The following LRRFIP2 variants were observed in gnomAD, a reference collection of about 807,000 sequenced individuals.
The protein encoded by LRRFIP2 is leucine-rich repeat flightless-interacting protein 2.
LRRFIP2 carries 109 observed loss-of-function variants against 125.9 expected under a neutral mutation model. The ratio of observed to expected loss-of-function variants is 0.87; its 90% CI spans 0.74 to 1.01. The LOEUF is 1.01. Among genes scored for constraint, LRRFIP2 ranks in the 50% least tolerant of loss-of-function variants. The probability of loss-of-function intolerance (pLI) is 0.00; values close to 1 mark genes in which losing one functional copy is unlikely to be tolerated. For missense variants in LRRFIP2, 850 were observed against 862.3 expected, an observed-to-expected ratio of 0.99 and a Z score of 0.18; for synonymous variants, 291 against 293.1, an observed-to-expected ratio of 0.99 and a Z score of 0.07.
intron 18 of LRRFIP2, among the ~76,000 whole-genome samples, chr3:37,090,155 T>C (rs1473996603): frequency 1.3e-5 from 2 of 152,236 alleles, no homozygotes; most frequent in East Asian, 1.9e-4. Flanking sequence ...GGATATATCC[T>C]GAGTCACCCT....
intron 6 of LRRFIP2, among the ~76,000 whole-genome samples, chr3:37,118,158 C>G (rs1000305881): frequency 6.6e-6 from 1 of 152,086 alleles, no homozygotes; most frequent in Non-Finnish European, 1.5e-5. Context: ...ACTTCCCGGA[C>G]AGCTCCCACC....
chr3:37,118,523 A>C (rs1302386477), intron 6 of LRRFIP2, among the ~76,000 whole-genome samples: 1 of 152,168 alleles, frequency 6.6e-6, no homozygotes, highest in Non-Finnish European at 1.5e-5. Context: ...TAAATTCCTA[A>C]CTTTGATTTA....
Position 37,171,634 on chromosome 3 carries a change from C to T in LRRFIP2, c.-56+2905G>A, listed in dbSNP as rs555870196. Among the ~76,000 whole-genome samples the T allele has an allele frequency of 3.3e-5, 5 of 152,216 alleles. No homozygotes were observed. The South Asian group carries it at 8.3e-4, about 25-fold the overall frequency. ...TGAGAAAGTAATCCATCAAATAGCA[C>T]TCTAGTTTGCAAAAGGATTTTTGGA... On this transcript the variant is annotated intron_variant, in intron 1 of 27. Coordinates refer to ENST00000336686, the MANE Select transcript of LRRFIP2 (RefSeq NM_006309.4).
intron 2 of LRRFIP2, among the ~76,000 whole-genome samples, chr3:37,131,914 T>G (rs59957641): frequency 6.6e-6 from 1 of 152,172 alleles, no homozygotes. Context: ...ACTATTCCAA[T>G]TGTGGCAATT....
At position 37,066,449 on chromosome 3, in the gene LRRFIP2, A is replaced by T. The variant is rs368836156; in HGVS notation, c.1465-124T>A. 155 of 756,024 alleles carry T rather than the reference A, an allele frequency of 2.1e-4. No homozygotes were observed. In the East Asian group the frequency reaches 4.0e-3, roughly 19 times the overall value. 46.8% of individuals were successfully genotyped at this position (756,024 alleles called of 1,614,324 possible). A position where few individuals can be genotyped will look rare whatever the true frequency, so the allele number is the denominator to read the frequency against. ...CATAAAAAGCAAGAAAGCAGTCAAA[A>T]GATTGGAAACAAACAGTCAGATATG... On this transcript the variant is annotated intron_variant, in intron 21 of 27. Coordinates refer to ENST00000336686, the MANE Select transcript of LRRFIP2 (RefSeq NM_006309.4).
intron 1 of LRRFIP2, among the ~76,000 whole-genome samples, chr3:37,151,218 G>A (rs1157989487): frequency 6.6e-6 from 1 of 152,056 alleles, no homozygotes; most frequent in Non-Finnish European, 1.5e-5. Flanking sequence ...AATTAGCTGG[G>A]CGAGGTGGCA....
At position 37,105,512 on chromosome 3, in the gene LRRFIP2, A is replaced by G. The variant is rs937887198; in HGVS notation, c.726T>C (p.Asp242=). The G allele has an allele frequency of 6.2e-7, 1 of 1,613,286 alleles. No homozygotes were observed. The highest frequency in any genetic ancestry group is 8.5e-7 in the Non-Finnish European group (1 of 1,179,248). Residue 242 remains aspartate (D), a synonymous_variant, in exon 14 of 28, where the codon GAT becomes GAC. Transcript: ENST00000336686. ...CAGAAGACACAATGCTTGCAGTGTCATCGTTGGTAAACTATAGATATTAAA... is the reference window on the plus strand; with the variant it reads ...CAGAAGACACAATGCTTGCAGTGTCGTCGTTGGTAAACTATAGATATTAAA... ...SARSSPGFTN[D]DTASIVSSDR...
intron 20 of LRRFIP2, among the ~76,000 whole-genome samples, chr3:37,073,329 T>C (rs977042912): frequency 1.3e-5 from 2 of 152,224 alleles, no homozygotes; most frequent in Non-Finnish European, 1.5e-5. Context: ...ACTGATCATT[T>C]TGAATTTCTG....
intron 4 of LRRFIP2, among the ~76,000 whole-genome samples, chr3:37,125,723 T>C (rs2095248116): frequency 6.6e-6 from 1 of 152,320 alleles, no homozygotes; most frequent in Non-Finnish European, 1.5e-5. Context: ...AAAAAAGGTA[T>C]TATAATTAGG....
At chr3:37,074,090 T>C (rs2091686872) in intron 20 of LRRFIP2, among the ~76,000 whole-genome samples, 1 of 152,332 alleles carries the variant, frequency 6.6e-6, no homozygotes, top group East Asian at 1.9e-4. Context: ...AATTAACACG[T>C]CTTCAAATTT....
intron 2 of LRRFIP2, among the ~76,000 whole-genome samples, chr3:37,147,130 A>C (rs529419888): frequency 6.6e-6 from 1 of 152,344 alleles, no homozygotes; most frequent in South Asian, 2.1e-4. Context: ...CACTGATTAG[A>C]GAAATGCAAA....
rs1333693072 is a variant in LRRFIP2, at chr3:37,075,019, C to CT, written c.1371+4_1371+5insA. On this transcript the variant is annotated splice_donor_region_variant and intron_variant, in intron 20 of 27. Transcript: ENST00000336686. ...ATTAAGTATTCCCACAGTTCATGTA[C>CT]ATACCTCAATAAGCTCATCTCTTTG... The CT allele has an allele frequency of 3.7e-6, 6 of 1,603,276 alleles. No homozygotes were observed. Among genetic ancestry groups the CT allele is most frequent in the Non-Finnish European group, 5.1e-6 (6 of 1,171,320 alleles).
intron 1 of LRRFIP2, among the ~76,000 whole-genome samples, chr3:37,167,227 A>G (rs2096516096): frequency 1.3e-5 from 2 of 151,644 alleles, no homozygotes; most frequent in South Asian, 4.2e-4. Context: ...AGAAAGAAAG[A>G]AAAGAAGAGA....
intron 7 of LRRFIP2, 34 bp from the exon 8 acceptor site, chr3:37,113,014 T>C (rs1559901432): frequency 1.6e-6 from 2 of 1,214,498 alleles, no homozygotes; most frequent in Non-Finnish European, 2.4e-6. Flanking sequence ...ACTTCAATGA[T>C]TGCATAGCGA....
Position 37,077,764 on chromosome 3 carries a change from G to C in LRRFIP2, c.1279-2648C>G, listed in dbSNP as rs2092243247. Among the ~76,000 whole-genome samples, 4 of 152,134 alleles carry C rather than the reference G, an allele frequency of 2.6e-5. No homozygotes were observed. The South Asian group carries it at 8.3e-4, about 31-fold the overall frequency. On this transcript the variant is annotated intron_variant, in intron 19 of 27. Coordinates refer to ENST00000336686, the MANE Select transcript of LRRFIP2 (RefSeq NM_006309.4). ...AGTGGAAACAATTCAAGTGGCCATT[G>C]ATAGATGAATGCATAAGCAAAATGT... is the stretch of plus-strand genomic sequence containing the variant.
intron 25 of LRRFIP2, among the ~76,000 whole-genome samples, chr3:37,056,590 A>T (rs2086941867): frequency 6.6e-6 from 1 of 151,992 alleles, no homozygotes; most frequent in South Asian, 2.1e-4. Flanking sequence ...AGTAGCTGGG[A>T]CTACAGGCAC....
chr3:37,099,284 C>T (rs983278222), intron 15 of LRRFIP2, among the ~76,000 whole-genome samples: 4 of 152,090 alleles, frequency 2.6e-5, no homozygotes, highest in African/African-American at 4.8e-5. Context: ...ATTCTAAAAG[C>T]CCAATAGGAT....
chr3:37,095,786 C>T (rs1240328360), intron 16 of LRRFIP2, among the ~76,000 whole-genome samples: 1 of 152,030 alleles, frequency 6.6e-6, no homozygotes, highest in Non-Finnish European at 1.5e-5. Flanking sequence ...GGACAACAGG[C>T]ACGCAAAACC....
chr3:37,086,280 A>G (rs928349177), intron 18 of LRRFIP2, among the ~76,000 whole-genome samples: 1 of 152,254 alleles, frequency 6.6e-6, no homozygotes, highest in African/African-American at 2.4e-5. Context: ...GTAGGAACAT[A>G]AAATGGTGCA....
Sources: allele counts gnomAD v4.1 joint callset (sites outside exome capture counted in the v4.1 genomes callset), GRCh38; gene constraint gnomAD v4.1.1; transcripts MANE v1.5; gene names NCBI Gene and HGNC (gene_info 2026-07-23, HGNC 2026-07-21).